Variants in CTNNA2 observed in about 807,000 individuals in gnomAD.
CTNNA2 encodes catenin alpha-2.
A neutral mutation model predicts 101.0 loss-of-function variants in CTNNA2; 42 were observed. That is an observed-to-expected ratio of 0.42 (90% CI 0.32 to 0.54). CTNNA2 has a LOEUF of 0.54. CTNNA2 is among the 20% of genes least tolerant of loss of function. The pLI is 0.14. For synonymous variants in CTNNA2, 450 were observed against 456.4 expected, an observed-to-expected ratio of 0.99 and a Z score of 0.18; for missense variants, 871 against 1,223.1, an observed-to-expected ratio of 0.71 and a Z score of 4.29.
intron 7 of CTNNA2, among the ~76,000 whole-genome samples, chr2:79,922,608 C>T (rs755488430): frequency 3.3e-5 from 5 of 149,492 alleles, no homozygotes; most frequent in Non-Finnish European, 7.4e-5. Context: ...TTTTCAACCA[C>T]TTGTAAAACC....
intron 4 of CTNNA2, among the ~76,000 whole-genome samples, chr2:79,468,889 G>T (rs570278478): frequency 6.6e-6 from 1 of 152,232 alleles, no homozygotes; most frequent in East Asian, 1.9e-4. Flanking sequence ...AGTGTGTAGA[G>T]GGAAATTTAT....
chr2:80,513,506 T>A (rs1688873652), intron 9 of CTNNA2, among the ~76,000 whole-genome samples: 1 of 152,216 alleles, frequency 6.6e-6, no homozygotes, highest in South Asian at 2.1e-4. Flanking sequence ...CAAGAGAGAA[T>A]CTGTGGCCAC....
At chr2:79,457,249 G>A (rs903537911) in intron 4 of CTNNA2, among the ~76,000 whole-genome samples, 1 of 151,590 alleles carries the variant, frequency 6.6e-6, no homozygotes, top group Non-Finnish European at 1.5e-5. Context: ...TGTGTTCAGG[G>A]AAATATTTTG....
intron 7 of CTNNA2, among the ~76,000 whole-genome samples, chr2:80,010,225 C>T (rs1281357396): frequency 6.6e-6 from 1 of 152,162 alleles, no homozygotes; most frequent in Non-Finnish European, 1.5e-5. Flanking sequence ...TCACTTGCAC[C>T]TCCCAGGACA....
intron 2 of CTNNA2, among the ~76,000 whole-genome samples, chr2:79,660,469 A>T (rs1438268791): frequency 6.6e-6 from 1 of 151,856 alleles, no homozygotes; most frequent in African/African-American, 2.4e-5. Context: ...TTAATATTTA[A>T]TTGAAAGACT....
At chr2:79,453,343 T>A (rs978598742) in intron 4 of CTNNA2, among the ~76,000 whole-genome samples, 2 of 152,154 alleles carry the variant, frequency 1.3e-5, no homozygotes, top group Non-Finnish European at 1.5e-5. Flanking sequence ...CAGTATCATT[T>A]TTAAATAAAA....
Position 80,250,018 on chromosome 2 carries a change from C to A in CTNNA2, c.1057-143193C>A, listed in dbSNP as rs144292418. ...GAAAGAATTGAACCATGTTCCAGCC[C>A]CTCCTCCCATATATACAAGATGGAA... is the stretch of plus-strand genomic sequence containing the variant. On this transcript the variant is annotated intron_variant, in intron 7 of 18. Transcript: ENST00000402739. 2.8e-4 allele frequency among the ~76,000 whole-genome samples: 43 copies of A among 152,078 alleles called. No homozygotes were observed. In the East Asian group the frequency reaches 7.5e-3, roughly 27 times the overall value.
intron 4 of CTNNA2, among the ~76,000 whole-genome samples, chr2:79,500,051 T>G (rs546316050): frequency 6.6e-6 from 1 of 152,336 alleles, no homozygotes; most frequent in South Asian, 2.1e-4. Flanking sequence ...GAGGCCATTC[T>G]TGTTTACTCA....
intron 7 of CTNNA2, among the ~76,000 whole-genome samples, chr2:80,332,022 G>A (rs1202440342): frequency 6.6e-6 from 1 of 152,158 alleles, no homozygotes; most frequent in Non-Finnish European, 1.5e-5. Context: ...CTGTTGGACA[G>A]GAGTCCTCTT....
At chr2:80,386,936 C>T (rs529257392) in intron 7 of CTNNA2, among the ~76,000 whole-genome samples, 3 of 152,042 alleles carry the variant, frequency 2.0e-5, no homozygotes, top group Non-Finnish European at 4.4e-5. Context: ...CCAAGATGGT[C>T]GATTTATATT....
At chr2:79,399,443 T>C (rs933388885) in intron 4 of CTNNA2, among the ~76,000 whole-genome samples, 4 of 152,116 alleles carry the variant, frequency 2.6e-5, no homozygotes. Flanking sequence ...ACCAAAGCAC[T>C]GAAATGTACC....
intron 7 of CTNNA2, among the ~76,000 whole-genome samples, chr2:80,210,975 A>G (rs777408213): frequency 6.6e-6 from 1 of 152,190 alleles, no homozygotes; most frequent in African/African-American, 2.4e-5. Context: ...AGTGATGATG[A>G]ACATTTTTTC....
At chr2:79,878,943 T>C (rs1388404517) in intron 6 of CTNNA2, among the ~76,000 whole-genome samples, 1 of 152,258 alleles carries the variant, frequency 6.6e-6, no homozygotes, top group Non-Finnish European at 1.5e-5. Context: ...CTAGGGTTTT[T>C]ATGGTTTTGG....
chr2:80,129,797 C>G (rs2148892474), intron 7 of CTNNA2, among the ~76,000 whole-genome samples: 1 of 152,224 alleles, frequency 6.6e-6, no homozygotes, highest in Middle Eastern at 3.4e-3. Flanking sequence ...CCTTTGGAAC[C>G]TGGATCGGCC....
intron 7 of CTNNA2, among the ~76,000 whole-genome samples, chr2:80,376,296 C>T (rs1675944354): frequency 6.6e-6 from 1 of 151,956 alleles, no homozygotes; most frequent in East Asian, 1.9e-4. Context: ...TCCATCTTGC[C>T]TTTCTATTCT....
chr2:79,811,123 A>C (rs1255566382), intron 3 of CTNNA2, among the ~76,000 whole-genome samples: 1 of 151,470 alleles, frequency 6.6e-6, no homozygotes, highest in Non-Finnish European at 1.5e-5. Context: ...ACAATGGTTG[A>C]ACTAGTTTAC....
chr2:79,334,276 T>C (rs1676940786), intron 3 of CTNNA2, among the ~76,000 whole-genome samples: 3 of 152,154 alleles, frequency 2.0e-5, no homozygotes, highest in Admixed American at 6.5e-5. Flanking sequence ...ATAAAATGAC[T>C]TCCTCAAGGT....
At chr2:80,283,948 C>A (rs968420119) in intron 7 of CTNNA2, among the ~76,000 whole-genome samples, 1 of 152,112 alleles carries the variant, frequency 6.6e-6, no homozygotes, top group Non-Finnish European at 1.5e-5. Context: ...ATGGTTAATT[C>A]TAGGCATCAT....
At chr2:80,226,262 C>T (rs80354527) in intron 7 of CTNNA2, among the ~76,000 whole-genome samples, 2,178 of 152,234 alleles carry the variant, frequency 0.014, 56 homozygotes, top group African/African-American at 0.049. Flanking sequence ...TTCAATTAGA[C>T]GAATACTTAA....
Sources: gnomAD v4.1 joint callset for allele counts (sites outside exome capture counted in the v4.1 genomes callset) on GRCh38, gnomAD v4.1.1 for gene constraint, MANE v1.5 for transcripts, NCBI Gene and HGNC (gene_info 2026-07-23, HGNC 2026-07-21) for gene names.